VPS13B: variants seen among roughly 807,000 people sequenced by gnomAD.
VPS13B encodes intermembrane lipid transfer protein VPS13B.
VPS13B carries 285 observed loss-of-function variants against 426.4 expected under a neutral mutation model. That is an observed-to-expected ratio of 0.67 (90% CI 0.61 to 0.74). The LOEUF (loss-of-function observed/expected upper bound fraction) is 0.74. Among genes scored for constraint, VPS13B ranks in the 30% least tolerant of loss-of-function variants. The pLI is 0.00. For missense variants in VPS13B, 4,537 were observed against 4,782.6 expected (o/e 0.95, Z 1.51); for synonymous variants, 1,676 against 1,676.4 (o/e 1.00, Z 0.01).
intron 23 of VPS13B, among the ~76,000 whole-genome samples, chr8:99,446,836 T>C (rs1265534946): frequency 6.6e-6 from 1 of 152,178 alleles, no homozygotes. Flanking sequence ...ACTCAGAAGA[T>C]CTTCTCTTGG....
At chr8:99,044,063 TC>T (rs1843090077) in intron 3 of VPS13B, among the ~76,000 whole-genome samples, 1 of 148,884 alleles carries the variant, frequency 6.7e-6, no homozygotes, top group Non-Finnish European at 1.5e-5. Flanking sequence ...CCACATCATT[TC>T]TTTTTTTTTT....
chr8:99,661,258 A>G lies in VPS13B; in HGVS notation c.5909-96A>G, dbSNP rs149467401. On this transcript the variant is annotated intron_variant, in intron 34 of 61. Coordinates refer to ENST00000357162, the MANE Select transcript of VPS13B (RefSeq NM_152564.5). Reference sequence around the variant, plus strand: ...AATGAAGCTTGCAAACAGTTATTTAACCAGTTTTTCTCTCATTTATTAACT... The same window carrying G: ...AATGAAGCTTGCAAACAGTTATTTAGCCAGTTTTTCTCTCATTTATTAACT... 1,003 of 1,480,708 alleles carry G rather than the reference A, an allele frequency of 6.8e-4. 6 individuals are homozygous for G. In the African/African-American group the frequency reaches 0.012, roughly 18 times the overall value. 91.7% of individuals were successfully genotyped at this position (1,480,708 alleles called of 1,614,324 possible). A position where few individuals can be genotyped will look rare whatever the true frequency, so the allele number is the denominator to read the frequency against.
At chr8:99,771,695 C>G (rs1811498473) in intron 40 of VPS13B, among the ~76,000 whole-genome samples, 1 of 152,214 alleles carries the variant, frequency 6.6e-6, no homozygotes, top group Non-Finnish European at 1.5e-5. Context: ...TGGTTGAACT[C>G]TCTCCTCCCA....
chr8:99,597,816 C>A (rs1458656577), intron 33 of VPS13B, among the ~76,000 whole-genome samples: 1 of 151,950 alleles, frequency 6.6e-6, no homozygotes, highest in Admixed American at 6.6e-5. Flanking sequence ...AAGCCAAGCA[C>A]AATCCTTACT....
intron 33 of VPS13B, among the ~76,000 whole-genome samples, chr8:99,619,112 A>G (rs909915570): frequency 7.2e-5 from 11 of 152,174 alleles, no homozygotes; most frequent in African/African-American, 2.7e-4. Flanking sequence ...CTTCCTTCCC[A>G]GAAGCCTTGA....
intron 35 of VPS13B, chr8:99,697,106 A>G: frequency 1.9e-6 from 1 of 522,676 alleles, no homozygotes; most frequent in Non-Finnish European, 3.5e-6. Flanking sequence ...CCTCCCAGAA[A>G]CTCTTGCCAG....
At chr8:99,128,878 G>T (rs117961274) in intron 8 of VPS13B, among the ~76,000 whole-genome samples, 7,477 of 151,992 alleles carry the variant, frequency 0.049, 206 homozygotes, top group African/African-American at 0.071. Flanking sequence ...AGTGGCTCAC[G>T]CCTGTAATCC....
chr8:99,338,977 T>G (rs1486572779), intron 19 of VPS13B, among the ~76,000 whole-genome samples: 1 of 152,162 alleles, frequency 6.6e-6, no homozygotes, highest in African/African-American at 2.4e-5. Context: ...AGTCAATTTT[T>G]TAATTTCCTC....
chr8:99,820,534 T>C (rs1271019624), intron 49 of VPS13B, among the ~76,000 whole-genome samples: 1 of 152,182 alleles, frequency 6.6e-6, no homozygotes, highest in Non-Finnish European at 1.5e-5. Context: ...AGCAACTGTT[T>C]TTGTCAGGGA....
intron 3 of VPS13B, among the ~76,000 whole-genome samples, chr8:99,090,377 C>T (rs1846077191): frequency 6.6e-6 from 1 of 151,950 alleles, no homozygotes; most frequent in Admixed American, 6.6e-5. Flanking sequence ...AAGTGATTCC[C>T]CTGCCTCAGC....
chr8:99,753,440 G>A (rs1810493571), intron 39 of VPS13B, among the ~76,000 whole-genome samples: 1 of 151,654 alleles, frequency 6.6e-6, no homozygotes, highest in South Asian at 2.1e-4. Context: ...TATCTGAACA[G>A]TTAGAAATGA....
chr8:99,219,389 C>A (rs1311009489), intron 17 of VPS13B, among the ~76,000 whole-genome samples: 1 of 152,132 alleles, frequency 6.6e-6, no homozygotes, highest in Non-Finnish European at 1.5e-5. Flanking sequence ...GTATCAAAGG[C>A]CCCATTAGGC....
intron 20 of VPS13B, chr8:99,389,520 T>C (rs1292566525): frequency 1.3e-5 from 2 of 152,168 alleles, no homozygotes; most frequent in Non-Finnish European, 2.9e-5. Context: ...ACATATTTTA[T>C]ATATGTGCTA....
chr8:99,086,348 T>A lies in VPS13B; in HGVS notation c.292-9964T>A, dbSNP rs190541188. Among the ~76,000 whole-genome samples, 4 of 152,312 alleles carry A rather than the reference T, an allele frequency of 2.6e-5. No individual in the cohort carries two copies. The East Asian group carries it at 7.7e-4, about 29-fold the overall frequency. On this transcript the variant is annotated intron_variant, in intron 3 of 61. Transcript: ENST00000357162. ...GACTTCTTTGCATTGATTATTCTAG[T>A]TAGTCATTCGTCTAATTTTTTTTCA...
At chr8:99,323,773 C>G (rs1223090404) in intron 19 of VPS13B, among the ~76,000 whole-genome samples, 1 of 152,170 alleles carries the variant, frequency 6.6e-6, no homozygotes, top group African/African-American at 2.4e-5. Context: ...AAATAATTAG[C>G]TTGCATTTTG....
At chr8:99,455,724 A>G (rs902230184) in intron 23 of VPS13B, among the ~76,000 whole-genome samples, 2 of 152,110 alleles carry the variant, frequency 1.3e-5, no homozygotes, top group African/African-American at 4.8e-5. Context: ...ATCATACAAT[A>G]TATAGTCTTT....
intron 39 of VPS13B, among the ~76,000 whole-genome samples, chr8:99,726,236 G>A (rs1833345259): frequency 6.6e-6 from 1 of 152,136 alleles, no homozygotes; most frequent in Non-Finnish European, 1.5e-5. Context: ...TTATTTTATG[G>A]TCAGCTTATA....
intron 52 of VPS13B, among the ~76,000 whole-genome samples, chr8:99,834,539 A>ATT (rs66695321): frequency 6.1e-4 from 88 of 145,172 alleles, no homozygotes; most frequent in East Asian, 2.4e-3. Flanking sequence ...TCTTATTTTT[A>ATT]TTTTTTATTT....
chr8:99,861,662 C>A, intron 57 of VPS13B, 114 bp from the exon 58 acceptor site: 1 of 1,376,498 alleles, frequency 7.3e-7, no homozygotes, highest in Non-Finnish European at 1.0e-6. Context: ...CCATCACTTG[C>A]CACTGGGCAT....
Sources: allele counts gnomAD v4.1 joint callset (sites outside exome capture counted in the v4.1 genomes callset), GRCh38; gene constraint gnomAD v4.1.1; transcripts MANE v1.5; gene names NCBI Gene and HGNC (gene_info 2026-07-23, HGNC 2026-07-21).